TUT7: variants seen among roughly 807,000 people sequenced by gnomAD.
The protein encoded by TUT7 is terminal uridylyl transferase 7.
TUT7 carries 33 observed loss-of-function variants against 165.9 expected under a neutral mutation model. The observed-to-expected ratio is 0.20, with a 90% CI of 0.15 to 0.27. The LOEUF (loss-of-function observed/expected upper bound fraction) is 0.27, where lower values mean the gene tolerates loss of function less well. Among genes scored for constraint, TUT7 ranks in the 10% least tolerant of loss-of-function variants. The pLI is 1.00. For synonymous variants in TUT7, 552 were observed against 608.1 expected, an observed-to-expected ratio of 0.91 and a Z score of 1.36; for missense variants, 1,338 against 1,762.3, an observed-to-expected ratio of 0.76 and a Z score of 4.31.
intron 8 of TUT7, 46 bp downstream of exon 8, chr9:86,339,990 T>G: frequency 6.8e-7 from 1 of 1,475,944 alleles, no homozygotes; most frequent in Non-Finnish European, 9.5e-7. Flanking sequence ...ACTTGTGCTT[T>G]TGGCAAGTTG....
chr9:86,332,532 C>CT (rs1830416566), intron 10 of TUT7, among the ~76,000 whole-genome samples: 1 of 152,088 alleles, frequency 6.6e-6, no homozygotes, highest in African/African-American at 2.4e-5. Context: ...ACAATGGACA[C>CT]TGGGGCCTAC....
chr9:86,324,839 T>C (rs532281286), intron 12 of TUT7, among the ~76,000 whole-genome samples: 50 of 152,214 alleles, frequency 3.3e-4, no homozygotes, highest in Non-Finnish European at 6.0e-4. Flanking sequence ...TATGAATAAG[T>C]TCTAAATGCT....
chr9:86,313,996 C>G (rs1381697192), intron 17 of TUT7, among the ~76,000 whole-genome samples: 1 of 152,198 alleles, frequency 6.6e-6, no homozygotes, highest in Admixed American at 6.5e-5. Context: ...TTACTGAATA[C>G]TTAGAATATG....
At chr9:86,322,174 C>T (rs7021886) in intron 14 of TUT7, 151 bp downstream of exon 14, 1 of 634,560 alleles carries the variant, frequency 1.6e-6, no homozygotes, top group Non-Finnish European at 2.6e-6. Flanking sequence ...ACAGAACAGA[C>T]ATGACATGGA....
chr9:86,308,676 T>A, intron 21 of TUT7, 70 bp from the exon 22 acceptor site: 1 of 1,296,200 alleles, frequency 7.7e-7, no homozygotes, highest in Non-Finnish European at 1.0e-6. Context: ...TCATTTGTAT[T>A]TTAGGGAGTA....
At chr9:86,293,574 T>C (rs1587839645) in intron 26 of TUT7, among the ~76,000 whole-genome samples, 1 of 152,102 alleles carries the variant, frequency 6.6e-6, no homozygotes, top group East Asian at 1.9e-4. Flanking sequence ...GAAGTCAGGG[T>C]ATGGGAAACA....
At chr9:86,315,171 G>A (rs1828583630) in intron 17 of TUT7, among the ~76,000 whole-genome samples, 1 of 152,194 alleles carries the variant, frequency 6.6e-6, no homozygotes, top group Non-Finnish European at 1.5e-5. Flanking sequence ...GCACATAGGA[G>A]GCACCCAATA....
rs1832403975 is a variant in TUT7 at position 86,352,717 on chromosome 9, G to A, written c.483C>T (p.Ser161=). ...VRRLFHKDLT[S]LETTSEMEAG... ...CTTCCATTTCTGACGTGGTTTCTAG[G>A]CTTGTTAGGTCTTTATGAAACAGTC... is the stretch of plus-strand genomic sequence containing the variant. The change falls in exon 2 of 27, where the codon AGC becomes AGT. Residue 161 remains serine (S), a synonymous_variant. Transcript: ENST00000375963. 1.2e-6 allele frequency: 2 copies of A among 1,614,200 alleles called. No individual in the cohort carries two copies. Among genetic ancestry groups the A allele is most frequent in the Non-Finnish European group, 1.7e-6 (2 of 1,180,040 alleles).
chr9:86,327,986 T>G (rs1009178196), intron 11 of TUT7, among the ~76,000 whole-genome samples: 1 of 152,200 alleles, frequency 6.6e-6, no homozygotes, highest in Non-Finnish European at 1.5e-5. Context: ...TTAAATCATA[T>G]ATGCATTCAC....
At chr9:86,307,360 T>G (rs1448720433) in intron 22 of TUT7, among the ~76,000 whole-genome samples, 1 of 152,204 alleles carries the variant, frequency 6.6e-6, no homozygotes. Flanking sequence ...AAAAATTCTA[T>G]GTGTTTGACA....
intron 26 of TUT7, among the ~76,000 whole-genome samples, chr9:86,298,474 CA>C (rs1396576594): frequency 6.6e-6 from 1 of 152,204 alleles, no homozygotes; most frequent in Non-Finnish European, 1.5e-5. Context: ...ACAGCAGCAA[CA>C]AAAAGCACGG....
At chr9:86,319,436 T>G in intron 15 of TUT7, 148 bp downstream of exon 15, 1 of 606,798 alleles carries the variant, frequency 1.6e-6, no homozygotes. Flanking sequence ...TGTTGGTAAA[T>G]GAGGATTTGG....
chr9:86,345,305 A>T (rs1831658723), intron 4 of TUT7, 151 bp from the exon 5 acceptor site: 6 of 693,182 alleles, frequency 8.7e-6, no homozygotes, highest in Non-Finnish European at 4.6e-6. Context: ...AAACATATAC[A>T]TACTTCCTTA....
At chr9:86,341,992 A>G (rs958937665) in intron 6 of TUT7, among the ~76,000 whole-genome samples, 1 of 152,210 alleles carries the variant, frequency 6.6e-6, no homozygotes. Flanking sequence ...GGATGAGTGA[A>G]TATTTGCTAA....
intron 26 of TUT7, among the ~76,000 whole-genome samples, chr9:86,292,621 AAAG>A (rs1391687523): frequency 6.6e-6 from 1 of 151,504 alleles, no homozygotes; most frequent in Non-Finnish European, 1.5e-5. Context: ...AAAAAAAAAA[AAAG>A]AGATTGAGCC....
chr9:86,335,718 C>T (rs1328760892), intron 10 of TUT7, among the ~76,000 whole-genome samples: 2 of 152,170 alleles, frequency 1.3e-5, no homozygotes, highest in Non-Finnish European at 2.9e-5. Context: ...AAATATCTAG[C>T]ATAAAGATAC....
Position 86,353,163 on chromosome 9 carries a change from T to C in TUT7, c.37A>G (p.Thr13Ala). 1.3e-6 allele frequency: 2 copies of C among 1,594,760 alleles called. No individual in the cohort carries two copies. Among genetic ancestry groups the C allele is most frequent in the Non-Finnish European group, 1.7e-6 (2 of 1,173,848 alleles). ...DTAKPYFVKR[T>A]KDRGTMDDDD... ...TCATCCATAGTCCCCCGGTCTTTAG[T>C]GCGCTTCACGAAATAAGGTTTTGCT... is the stretch of plus-strand genomic sequence containing the variant. Residue 13 changes from threonine (T) to alanine (A), a missense_variant, in exon 2 of 27, where the codon ACT (threonine) becomes GCT (alanine). Thr to Ala is a moderately conservative substitution (Grantham distance 58). Around this residue, in one of 7 missense-constraint regions of TUT7, gnomAD observed 434 missense variants for 480.8 expected, o/e 0.90. Transcript: ENST00000375963.
At chr9:86,331,344 G>A (rs1830294912) in intron 10 of TUT7, among the ~76,000 whole-genome samples, 1 of 152,136 alleles carries the variant, frequency 6.6e-6, no homozygotes, top group Non-Finnish European at 1.5e-5. Context: ...TGGGTATAGT[G>A]TTTTATAAAT....
intron 22 of TUT7, among the ~76,000 whole-genome samples, chr9:86,307,274 GA>G (rs1003710372): frequency 7.6e-4 from 103 of 134,840 alleles, no homozygotes; most frequent in Middle Eastern, 7.5e-3. Context: ...ACTGTCTCAA[GA>G]AAAAAAAAAA....
Sources: gnomAD v4.1 joint callset for allele counts (sites outside exome capture counted in the v4.1 genomes callset) on GRCh38, gnomAD v4.1.1 for gene constraint, gnomAD v4.1.1 regional missense constraint, MANE v1.5 for transcripts, NCBI Gene and HGNC (gene_info 2026-07-23, HGNC 2026-07-21) for gene names.